The following ZBTB16 variants were observed in gnomAD, a reference collection of about 807,000 sequenced individuals.
ZBTB16 encodes zinc finger and BTB domain containing 16, also known as zinc finger and BTB domain-containing protein 16.
A neutral mutation model predicts 56.8 loss-of-function variants in ZBTB16; 8 were observed. The ratio of observed to expected loss-of-function variants is 0.14; its 90% CI spans 0.08 to 0.25. The LOEUF is 0.25. Among genes scored for constraint, ZBTB16 ranks in the 10% least tolerant of loss-of-function variants. The pLI is 1.00. For synonymous variants in ZBTB16, 363 were observed against 368.5 expected, an observed-to-expected ratio of 0.98 and a Z score of 0.17; for missense variants, 625 against 903.0, an observed-to-expected ratio of 0.69 and a Z score of 3.95.
chr11:114,191,819 T>C (rs1444106637), intron 4 of ZBTB16, among the ~76,000 whole-genome samples: 2 of 152,182 alleles, frequency 1.3e-5, no homozygotes, highest in Admixed American at 6.5e-5. Flanking sequence ...TACTGAGATA[T>C]AATACATATA....
intron 2 of ZBTB16, among the ~76,000 whole-genome samples, chr11:114,109,853 G>A (rs1288414786): frequency 1.3e-5 from 2 of 152,104 alleles, no homozygotes; most frequent in African/African-American, 4.8e-5. Context: ...GTATGTTGAG[G>A]GAAAGGAAGG....
At chr11:114,200,557 A>G (rs974378240) in intron 4 of ZBTB16, among the ~76,000 whole-genome samples, 12 of 152,188 alleles carry the variant, frequency 7.9e-5, no homozygotes, top group African/African-American at 2.7e-4. Flanking sequence ...AGAGAGGCTT[A>G]AATAATATGA....
chr11:114,200,872 A>G (rs1943723070), intron 4 of ZBTB16, among the ~76,000 whole-genome samples: 1 of 152,192 alleles, frequency 6.6e-6, no homozygotes. Flanking sequence ...AAAGGAGTTA[A>G]TAAAAACCAA....
At chr11:114,246,247 A>T (rs1388066240) in intron 5 of ZBTB16, among the ~76,000 whole-genome samples, 1 of 152,160 alleles carries the variant, frequency 6.6e-6, no homozygotes, top group Non-Finnish European at 1.5e-5. Context: ...TGCTGGAGGT[A>T]TGGTGGGCAA....
chr11:114,171,529 C>T (rs529390902), intron 3 of ZBTB16, among the ~76,000 whole-genome samples: 1 of 152,346 alleles, frequency 6.6e-6, no homozygotes, highest in African/African-American at 2.4e-5. Context: ...GAATCATGCC[C>T]CTCAGAGGAC....
Position 114,245,957 on chromosome 11 carries a change from T to G in ZBTB16, c.1625-1241T>G, listed in dbSNP as rs143618841. 3.1e-3 allele frequency among the ~76,000 whole-genome samples: 471 copies of G among 152,294 alleles called. 2 individuals carry two copies. Among genetic ancestry groups the G allele is most frequent in the African/African-American group, 0.01 (416 of 41,544 alleles). ...TCTGGGGTGATCAATCTATCTTTAT[T>G]GTCTGCGCCTTCACTCCTGTAATAA... On this transcript the variant is annotated intron_variant, in intron 5 of 6. Coordinates refer to ENST00000335953, the MANE Select transcript of ZBTB16 (RefSeq NM_006006.6).
chr11:114,174,225 G>A (rs1241526597), intron 3 of ZBTB16, among the ~76,000 whole-genome samples: 1 of 152,178 alleles, frequency 6.6e-6, no homozygotes, highest in Non-Finnish European at 1.5e-5. Context: ...TTTCGTGCCT[G>A]GACCAGGAGG....
At chr11:114,121,459 C>T (rs1941343985) in intron 2 of ZBTB16, among the ~76,000 whole-genome samples, 1 of 152,144 alleles carries the variant, frequency 6.6e-6, no homozygotes, top group Non-Finnish European at 1.5e-5. Flanking sequence ...AAAACCCTGG[C>T]TGTGTCGTCT....
intron 2 of ZBTB16, among the ~76,000 whole-genome samples, chr11:114,114,163 T>A (rs1941103034): frequency 6.6e-6 from 1 of 152,246 alleles, no homozygotes; most frequent in African/African-American, 2.4e-5. Flanking sequence ...TAGTTGACAA[T>A]GATTTCTGGA....
At chr11:114,087,343 G>A (rs1043338139) in intron 2 of ZBTB16, among the ~76,000 whole-genome samples, 6 of 151,986 alleles carry the variant, frequency 3.9e-5, no homozygotes, top group Admixed American at 2.0e-4. Context: ...TTCGTTTTTT[G>A]TCTTTTCTTG....
intron 4 of ZBTB16, chr11:114,209,378 G>T: frequency 1.0e-6 from 1 of 985,352 alleles, no homozygotes; most frequent in Non-Finnish European, 1.2e-6. Context: ...CAGGTTAATG[G>T]TGTCTGGGAT....
At chr11:114,176,172 C>T (rs186809901) in intron 3 of ZBTB16, among the ~76,000 whole-genome samples, 28 of 152,190 alleles carry the variant, frequency 1.8e-4, no homozygotes, top group Admixed American at 1.4e-3. Flanking sequence ...TGCTGGGGGC[C>T]AACAGAAACT....
chr11:114,221,084 C>G (rs916195847), intron 4 of ZBTB16, among the ~76,000 whole-genome samples: 5 of 152,236 alleles, frequency 3.3e-5, no homozygotes, highest in East Asian at 3.8e-4. Context: ...CCACTCCCCC[C>G]TCATGCCCTA....
intron 2 of ZBTB16, among the ~76,000 whole-genome samples, chr11:114,075,192 TTG>T (rs1261880236): frequency 1.3e-5 from 2 of 152,190 alleles, no homozygotes; most frequent in Admixed American, 1.3e-4. Flanking sequence ...CTGGAGAGCA[TTG>T]TGTCTGGAAT....
In ZBTB16 at chr11:114,132,214, G is replaced by C. The variant is rs747225055; in HGVS notation, c.1269-24123G>C. On this transcript the variant is annotated intron_variant, in intron 2 of 6. Coordinates refer to ENST00000335953, the MANE Select transcript of ZBTB16 (RefSeq NM_006006.6). ...GGTTAAATGAAGTCTGTGTGTGTCTGGTGAATGCATATGAGTAGTTAGAGA... is the reference window on the plus strand; with the variant it reads ...GGTTAAATGAAGTCTGTGTGTGTCTCGTGAATGCATATGAGTAGTTAGAGA... 9.0e-4 allele frequency among the ~76,000 whole-genome samples: 137 copies of C among 152,056 alleles called. 3 individuals carry two copies. The highest frequency in any genetic ancestry group is 3.7e-4 in the Non-Finnish European group (25 of 67,994).
At chr11:114,216,988 A>G (rs1187996322) in intron 4 of ZBTB16, among the ~76,000 whole-genome samples, 2 of 152,250 alleles carry the variant, frequency 1.3e-5, no homozygotes, top group Admixed American at 1.3e-4. Context: ...AAGGGTGCTC[A>G]GCAGATACCC....
In ZBTB16 at chr11:114,253,548, A is replaced by T. The variant is rs1944952280; in HGVS notation, c.*2993A>T. ...TGGTGTTGCAGCAATGGATGGTACT[A>T]AATCAGCACCTGGATGCCCCACCCA... On this transcript the variant is annotated 3_prime_UTR_variant, in exon 7 of 7. Coordinates refer to ENST00000335953, the MANE Select transcript of ZBTB16 (RefSeq NM_006006.6). 6.6e-6 allele frequency among the ~76,000 whole-genome samples: 1 copy of T among 152,224 alleles called. No individual in the cohort carries two copies. The highest frequency in any genetic ancestry group is 2.4e-5 in the African/African-American group (1 of 41,452).
At chr11:114,160,686 A>T (rs1269648473) in intron 3 of ZBTB16, among the ~76,000 whole-genome samples, 1 of 152,212 alleles carries the variant, frequency 6.6e-6, no homozygotes, top group Non-Finnish European at 1.5e-5. Context: ...AGTGAATTTC[A>T]GTTTAATTGA....
Position 114,159,941 on chromosome 11 carries a change from G to GGGC in ZBTB16, c.1366+3509_1366+3510insCGG, listed in dbSNP as rs563934661. 8.1e-4 allele frequency among the ~76,000 whole-genome samples: 119 copies of GGGC among 146,046 alleles called. 8 individuals are homozygous for GGGC. Among genetic ancestry groups the GGGC allele is most frequent in the South Asian group, 3.8e-3 (18 of 4,690 alleles). On this transcript the variant is annotated intron_variant, in intron 3 of 6. Transcript: ENST00000335953. ...CAGAACCCTGGGCGGGGGAGGCGGG[G>GGGC]GGGAGGCGAGCATTTTTTTTCAAAA...
Sources: gnomAD v4.1 joint callset for allele counts (sites outside exome capture counted in the v4.1 genomes callset) on GRCh38, gnomAD v4.1.1 for gene constraint, MANE v1.5 for transcripts, NCBI Gene and HGNC (gene_info 2026-07-23, HGNC 2026-07-21) for gene names.